Variants in ANXA4 observed in about 807,000 individuals in gnomAD.
The protein encoded by ANXA4 is annexin A4.
In ANXA4, 39 loss-of-function variants were observed where a neutral mutation model predicts 49.8. That is an observed-to-expected ratio of 0.78 (90% CI 0.61 to 1.02). ANXA4 has a LOEUF of 1.02. Ranked by LOEUF, ANXA4 falls within the 50% of genes least tolerant of loss-of-function variation. The probability of loss-of-function intolerance (pLI) is 0.00; values close to 1 mark genes in which losing one functional copy is unlikely to be tolerated. For synonymous variants in ANXA4, 134 were observed against 152.5 expected (o/e 0.88, Z 0.89); for missense variants, 360 against 410.1 (o/e 0.88, Z 1.05).
rs76176779 is a variant in ANXA4 at position 69,818,633 on chromosome 2, T to C, written c.663T>C (p.Asp221=). The C allele has an allele frequency of 1.0e-3, 1,681 of 1,611,566 alleles. 18 individuals are homozygous for C. The African/African-American group carries it at 0.02, about 19-fold the overall frequency. Residue 221 remains aspartate, a synonymous_variant, in exon 10 of 13, where the codon GAT becomes GAC. Coordinates refer to ENST00000394295, the MANE Select transcript of ANXA4 (RefSeq NM_001153.5). ...FDEYKRISQK[D]IEQSIKSETS... ...AATACAAAAGGATATCACAGAAGGA[T>C]ATTGAACAGAGTATTAAATCTGAAA...
chr2:69,696,981 A>G (rs1165477008), intron 2 of ANXA4, among the ~76,000 whole-genome samples: 3 of 152,184 alleles, frequency 2.0e-5, no homozygotes, highest in African/African-American at 7.2e-5. Flanking sequence ...TAGGATTTCC[A>G]GAATGGTAAA....
intron 3 of ANXA4, 36 bp from the exon 4 acceptor site, chr2:69,804,497 A>C: frequency 6.3e-7 from 1 of 1,579,574 alleles, no homozygotes; most frequent in South Asian, 1.1e-5. Flanking sequence ...TCCTCTCTCA[A>C]ATCACACTTA....
At chr2:69,708,332 C>T (rs117418273) in intron 2 of ANXA4, among the ~76,000 whole-genome samples, 11 of 152,304 alleles carry the variant, frequency 7.2e-5, no homozygotes, top group Non-Finnish European at 1.2e-4. Context: ...CAACTCTCTA[C>T]GGACACGACT....
At position 69,818,707 on chromosome 2, in the gene ANXA4, G is replaced by A; in HGVS notation, c.724+13G>A. 1 of 1,538,512 alleles carries A rather than the reference G, an allele frequency of 6.5e-7. No individual in the cohort carries two copies. The highest frequency in any genetic ancestry group is 1.4e-5 in the African/African-American group (1 of 72,952). ...CTGCTGGCTATAGGTAAGCTGGTAG[G>A]GGGAGTAGAGAAACAAATGTTTATA... is the stretch of plus-strand genomic sequence containing the variant. On this transcript the variant is annotated intron_variant, in intron 10 of 12. Transcript: ENST00000394295.
intron 1 of ANXA4, among the ~76,000 whole-genome samples, chr2:69,649,460 G>A (rs375683410): frequency 6.7e-6 from 1 of 149,930 alleles, no homozygotes; most frequent in East Asian, 1.9e-4. Context: ...CTATTTCATT[G>A]TATATTCTCT....
chr2:69,704,510 T>C (rs1281606655), intron 2 of ANXA4, among the ~76,000 whole-genome samples: 6 of 152,218 alleles, frequency 3.9e-5, no homozygotes, highest in Non-Finnish European at 8.8e-5. Flanking sequence ...TTGGCCTCGA[T>C]AGACGAGAGT....
chr2:69,732,881 G>C (rs577615535), intron 3 of ANXA4, among the ~76,000 whole-genome samples: 26 of 152,344 alleles, frequency 1.7e-4, no homozygotes, highest in African/African-American at 6.3e-4. Flanking sequence ...TAGAGGCCCA[G>C]GTTGGATGTG....
intron 1 of ANXA4, among the ~76,000 whole-genome samples, chr2:69,746,512 T>C (rs1670619323): frequency 6.6e-6 from 1 of 152,230 alleles, no homozygotes; most frequent in South Asian, 2.1e-4. Flanking sequence ...CTGAGGAATT[T>C]AGGATTTCTA....
At position 69,681,759 on chromosome 2, in the gene ANXA4, T is replaced by C. The variant is rs77566865; in HGVS notation, n.766+28477T>C. Among the ~76,000 whole-genome samples the C allele has an allele frequency of 6.8e-3, 1,035 of 152,336 alleles. 6 individuals are homozygous for C. Among genetic ancestry groups the C allele is most frequent in the Admixed American group, 0.011 (174 of 15,292 alleles). ...TTCATTGATCCTTTGTATTGTTTTT[T>C]AAGTCTGTATTTCATTTAATTCTGC... On this transcript the variant is annotated intron_variant and non_coding_transcript_variant, in intron 2 of 3. Coordinates refer to the ANXA4 transcript ENST00000418066.
intron 3 of ANXA4, among the ~76,000 whole-genome samples, chr2:69,803,904 G>A (rs184677199): frequency 2.2e-4 from 33 of 152,202 alleles, no homozygotes; most frequent in African/African-American, 6.7e-4. Context: ...TTGGGAGGCC[G>A]AGGAGGGCAG....
chr2:69,769,665 CA>C (rs1243292405), intron 1 of ANXA4, among the ~76,000 whole-genome samples: 3 of 152,086 alleles, frequency 2.0e-5, no homozygotes, highest in African/African-American at 7.2e-5. Flanking sequence ...ATGTAAAATA[CA>C]TTTTTTTATT....
chr2:69,773,269 TGTG>T (rs1288234438), intron 1 of ANXA4, among the ~76,000 whole-genome samples: 1 of 152,218 alleles, frequency 6.6e-6, no homozygotes, highest in East Asian at 1.9e-4. Context: ...CACTTCTTGA[TGTG>T]GTAAAAAGGA....
intron 2 of ANXA4, among the ~76,000 whole-genome samples, chr2:69,676,845 A>G (rs185201695): frequency 0.013 from 1,942 of 152,298 alleles, 57 homozygotes; most frequent in African/African-American, 0.044. Context: ...GTGAGCCAAG[A>G]TCGCATCACT....
At chr2:69,679,525 A>AT (rs757419678) in intron 2 of ANXA4, among the ~76,000 whole-genome samples, 1 of 151,906 alleles carries the variant, frequency 6.6e-6, no homozygotes, top group Non-Finnish European at 1.5e-5. Flanking sequence ...CTATTTGCTT[A>AT]TTTTTGTGGG....
rs575519676 is a variant in ANXA4, at chr2:69,819,169, G to C, written c.725-111G>C. On this transcript the variant is annotated intron_variant, in intron 10 of 12. Transcript: ENST00000394295. Reference sequence around the variant, plus strand: ...AACATTGCTTGGCTAAAATTTCCCTGGCAAAGCAAATATTGATACCTTGTA... The same window carrying C: ...AACATTGCTTGGCTAAAATTTCCCTCGCAAAGCAAATATTGATACCTTGTA... The C allele has an allele frequency of 3.9e-4, 294 of 750,816 alleles. 1 individual carries two copies. The African/African-American group carries it at 5.0e-3, about 13-fold the overall frequency. 46.5% of individuals were successfully genotyped at this position (750,816 alleles called of 1,614,324 possible).
chr2:69,767,359 G>T (rs1430083091), intron 1 of ANXA4, among the ~76,000 whole-genome samples: 2 of 152,196 alleles, frequency 1.3e-5, no homozygotes, highest in Non-Finnish European at 2.9e-5. Flanking sequence ...AAGTCATGAT[G>T]CATCAGTAGT....
At chr2:69,789,453 G>A (rs987754058) in intron 3 of ANXA4, among the ~76,000 whole-genome samples, 10 of 152,134 alleles carry the variant, frequency 6.6e-5, no homozygotes, top group African/African-American at 1.9e-4. Context: ...ATGTGAGAAG[G>A]CTGGTGAAGC....
chr2:69,661,617 A>G (rs1001158407), intron 2 of ANXA4, among the ~76,000 whole-genome samples: 2 of 152,212 alleles, frequency 1.3e-5, no homozygotes, highest in African/African-American at 2.4e-5. Flanking sequence ...GAGAGAAAAA[A>G]TAATAAGAGT....
At position 69,818,688 on chromosome 2, in the gene ANXA4, G is replaced by C; in HGVS notation, c.718G>C (p.Ala240Pro). 6.2e-7 allele frequency: 1 copy of C among 1,603,770 alleles called. No homozygotes were observed. The highest frequency in any genetic ancestry group is 8.5e-7 in the Non-Finnish European group (1 of 1,173,080). The stretch of plus-strand genomic sequence containing the variant: ...TGGTAGCTTTGAAGATGCTCTGCTG[G>C]CTATAGGTAAGCTGGTAGGGGGAGT... ...TSGSFEDALL[A>P]IVKCMRNKSA... Residue 240 changes from alanine to proline, a missense_variant, in exon 10 of 13, where the codon GCT becomes CCT. Coordinates refer to ENST00000394295, the MANE Select transcript of ANXA4 (RefSeq NM_001153.5).
Sources: gnomAD v4.1 joint callset for allele counts (sites outside exome capture counted in the v4.1 genomes callset) on GRCh38, gnomAD v4.1.1 for gene constraint, MANE v1.5 for transcripts, NCBI Gene and HGNC (gene_info 2026-07-23, HGNC 2026-07-21) for gene names.